The following LARGE1 variants were observed in gnomAD, a reference collection of about 807,000 sequenced individuals.
LARGE1 encodes the protein xylosyl- and glucuronyltransferase LARGE1.
A neutral mutation model predicts 87.6 loss-of-function variants in LARGE1; 43 were observed. The ratio of observed to expected loss-of-function variants is 0.49; its 90% CI spans 0.38 to 0.63. The LOEUF is 0.63. Among genes scored for constraint, LARGE1 ranks in the 30% least tolerant of loss-of-function variants. The pLI, the probability that LARGE1 is intolerant of heterozygous loss-of-function variation, is 0.00. For missense variants in LARGE1, 802 were observed against 1,000.2 expected, an observed-to-expected ratio of 0.80 and a Z score of 2.67; for synonymous variants, 434 against 394.6, an observed-to-expected ratio of 1.10 and a Z score of -1.18.
At chr22:33,200,631 T>C (rs1376693271) in intron 11 of LARGE1, among the ~76,000 whole-genome samples, 1 of 152,236 alleles carries the variant, frequency 6.6e-6, no homozygotes, top group Non-Finnish European at 1.5e-5. Flanking sequence ...AAGTGTAATA[T>C]ATCCATACAA....
chr22:33,860,931 T>C (rs10854639), intron 1 of LARGE1, among the ~76,000 whole-genome samples: 31,871 of 152,016 alleles, frequency 0.21, 4,052 homozygotes, highest in East Asian at 0.32. Flanking sequence ...CCACGACCCT[T>C]GCCCGTACAT....
intron 12 of LARGE1, among the ~76,000 whole-genome samples, chr22:33,291,730 T>G (rs1932615471): frequency 1.3e-5 from 2 of 152,054 alleles, no homozygotes; most frequent in Admixed American, 1.3e-4. Flanking sequence ...GTCCCATTTT[T>G]TTTGCCTTTC....
intron 11 of LARGE1, among the ~76,000 whole-genome samples, chr22:33,242,965 T>C (rs1391563256): frequency 6.6e-6 from 1 of 152,208 alleles, no homozygotes; most frequent in Non-Finnish European, 1.5e-5. Flanking sequence ...CCTGTGTGTG[T>C]CTCTATTTGT....
At chr22:33,689,896 C>CAGCCTGGGTGACA (rs1334395206) in intron 2 of LARGE1, among the ~76,000 whole-genome samples, 2 of 151,794 alleles carry the variant, frequency 1.3e-5, no homozygotes, top group African/African-American at 4.8e-5. Flanking sequence ...CATTGCACTC[C>CAGCCTGGGTGACA]AGCCTGGGTG....
intron 11 of LARGE1, among the ~76,000 whole-genome samples, chr22:33,179,099 A>C (rs1240471622): frequency 1.3e-5 from 2 of 152,090 alleles, no homozygotes; most frequent in African/African-American, 4.8e-5. Context: ...TGGGGGCCCC[A>C]CCCTGAAGAA....
At chr22:33,795,913 G>A (rs181464634) in intron 1 of LARGE1, among the ~76,000 whole-genome samples, 15 of 151,864 alleles carry the variant, frequency 9.9e-5, no homozygotes, top group Admixed American at 2.0e-4. Flanking sequence ...ACGAGTTAAC[G>A]GGTGCAGCAC....
At chr22:33,663,379 G>A (rs1335367360) in intron 2 of LARGE1, among the ~76,000 whole-genome samples, 8 of 152,186 alleles carry the variant, frequency 5.3e-5, no homozygotes, top group Non-Finnish European at 7.3e-5. Flanking sequence ...GCTTCCAGCA[G>A]TCTTATAAAA....
chr22:33,715,145 C>T (rs2082872459), intron 2 of LARGE1, among the ~76,000 whole-genome samples: 1 of 152,168 alleles, frequency 6.6e-6, no homozygotes, highest in Non-Finnish European at 1.5e-5. Context: ...TCACTTTACA[C>T]AATCAAAAAT....
chr22:33,188,268 T>C (rs529553849), intron 11 of LARGE1, among the ~76,000 whole-genome samples: 2 of 152,224 alleles, frequency 1.3e-5, no homozygotes, highest in Non-Finnish European at 2.9e-5. Context: ...CGAGAAACTC[T>C]TACTGGACAC....
In LARGE1 at chr22:33,421,168, C is replaced by T. The variant is rs557344225; in HGVS notation, c.892+10993G>A. ...CACGCCACTGCACTCCAGCCTTGGG[C>T]GACAGAGTGAGCCTCTGTTTCAAAA... On this transcript the variant is annotated intron_variant, in intron 7 of 14. Coordinates refer to ENST00000397394, the MANE Select transcript of LARGE1 (RefSeq NM_133642.5). Among the ~76,000 whole-genome samples the T allele has an allele frequency of 2.2e-3, 327 of 151,876 alleles. 2 individuals carry two copies. The highest frequency in any genetic ancestry group is 7.3e-3 in the African/African-American group (303 of 41,404).
chr22:33,909,759 C>T (rs2065573964), intron 1 of LARGE1, among the ~76,000 whole-genome samples: 2 of 151,998 alleles, frequency 1.3e-5, no homozygotes, highest in South Asian at 4.2e-4. Flanking sequence ...AAGATGGTCT[C>T]GATCTCCTGA....
intron 1 of LARGE1, among the ~76,000 whole-genome samples, chr22:33,855,451 C>T (rs2063730954): frequency 6.6e-6 from 1 of 152,200 alleles, no homozygotes; most frequent in African/African-American, 2.4e-5. Context: ...GTGCCCCCAA[C>T]CTGCCCAACC....
At chr22:33,479,309 A>G (rs2069209854) in intron 6 of LARGE1, among the ~76,000 whole-genome samples, 1 of 152,216 alleles carries the variant, frequency 6.6e-6, no homozygotes, top group Non-Finnish European at 1.5e-5. Flanking sequence ...CACCTAGCAC[A>G]GCATCTGGCA....
chr22:33,085,302 G>T, the LARGE1 span, among the ~76,000 whole-genome samples: 1 of 152,114 alleles, frequency 6.6e-6, no homozygotes, highest in South Asian at 2.1e-4. Context: ...ATAAACAGTA[G>T]AATCACATGC....
intron 6 of LARGE1, among the ~76,000 whole-genome samples, chr22:33,450,147 A>T (rs1193107315): frequency 6.6e-6 from 1 of 151,938 alleles, no homozygotes; most frequent in Non-Finnish European, 1.5e-5. Flanking sequence ...CCTGATCTCA[A>T]GTGATCCATC....
In LARGE1 at chr22:33,191,179, C is replaced by T. The variant is rs562768820; in HGVS notation, c.1731-24347G>A. Among the ~76,000 whole-genome samples, 14 of 152,166 alleles carry T rather than the reference C, an allele frequency of 9.2e-5. No homozygotes were observed. In the South Asian group the frequency reaches 2.9e-3, roughly 32 times the overall value. ...TTTTCAATATTATTTTACACAACTGCCCATAGGGTTTCATTACATAAAATA... is the reference window on the plus strand; with the variant it reads ...TTTTCAATATTATTTTACACAACTGTCCATAGGGTTTCATTACATAAAATA... On this transcript the variant is annotated intron_variant, in intron 11 of 11. Coordinates refer to the LARGE1 transcript ENST00000608642.
intron 1 of LARGE1, among the ~76,000 whole-genome samples, chr22:33,865,172 G>A (rs2064051235): frequency 6.6e-6 from 1 of 152,182 alleles, no homozygotes; most frequent in Non-Finnish European, 1.5e-5. Flanking sequence ...CCCAAGTCTA[G>A]CCCAGAACCT....
chr22:33,335,627 C>A (rs1938350752), intron 10 of LARGE1, among the ~76,000 whole-genome samples: 1 of 152,238 alleles, frequency 6.6e-6, no homozygotes, highest in Admixed American at 6.5e-5. Context: ...CATACAACCT[C>A]CTACCAATCT....
chr22:33,907,789 G>A (rs542406152), intron 1 of LARGE1, among the ~76,000 whole-genome samples: 3 of 152,030 alleles, frequency 2.0e-5, no homozygotes, highest in Non-Finnish European at 1.5e-5. Context: ...AGTAGAGACC[G>A]GGTTTCACCA....
Sources: allele counts gnomAD v4.1 joint callset (sites outside exome capture counted in the v4.1 genomes callset), GRCh38; gene constraint gnomAD v4.1.1; transcripts MANE v1.5; gene names NCBI Gene and HGNC (gene_info 2026-07-23, HGNC 2026-07-21).